OR9Q1: variants seen among roughly 807,000 people sequenced by gnomAD.
OR9Q1 encodes olfactory receptor 9Q1.
For synonymous variants in OR9Q1, 153 were observed against 148.6 expected, an observed-to-expected ratio of 1.03 and a Z score of -0.22; for missense variants, 374 against 378.8, an observed-to-expected ratio of 0.99 and a Z score of 0.11.
chr11:58,174,470 A>C (rs1331567906), intron 2 of OR9Q1, among the ~76,000 whole-genome samples: 2 of 152,030 alleles, frequency 1.3e-5, no homozygotes, highest in Non-Finnish European at 2.9e-5. Flanking sequence ...CACAAGAGCT[A>C]ACTAAGTACC....
chr11:58,107,436 T>C (rs879154707), intron 2 of OR9Q1, among the ~76,000 whole-genome samples: 4 of 152,202 alleles, frequency 2.6e-5, no homozygotes, highest in African/African-American at 7.2e-5. Flanking sequence ...ACAAAGGACA[T>C]GAACTCATCC....
chr11:58,048,679 A>ATAT (rs1554965247), intron 1 of OR9Q1, among the ~76,000 whole-genome samples: 2,548 of 131,392 alleles, frequency 0.019, 38 homozygotes, highest in Middle Eastern at 0.041. Context: ...TAAAAAAAAA[A>ATAT]ATATATATAT....
intron 1 of OR9Q1, among the ~76,000 whole-genome samples, chr11:58,026,967 T>C (rs1001392603): frequency 3.9e-5 from 6 of 152,310 alleles, no homozygotes; most frequent in African/African-American, 1.4e-4. Context: ...ATTTCTTGAG[T>C]CTCTCAAAGA....
At chr11:58,158,163 C>G (rs1305804783) in intron 2 of OR9Q1, among the ~76,000 whole-genome samples, 1 of 152,214 alleles carries the variant, frequency 6.6e-6, no homozygotes, top group African/African-American at 2.4e-5. Context: ...CTGCTTCACT[C>G]TGATTCTTTC....
At chr11:58,101,656 T>C (rs1224830119) in intron 2 of OR9Q1, among the ~76,000 whole-genome samples, 16 of 152,220 alleles carry the variant, frequency 1.1e-4, no homozygotes, top group Admixed American at 1.0e-3. Flanking sequence ...ATTTATCTAT[T>C]CTTGTTTTGG....
Position 58,180,404 on chromosome 11 carries a change from G to C in OR9Q1, c.*27G>C. On this transcript the variant is annotated 3_prime_UTR_variant, in exon 3 of 3. Coordinates refer to ENST00000335397, the MANE Select transcript of OR9Q1 (RefSeq NM_001005212.4). ...CATCTCCAAACTTGGAAAATCCCGA[G>C]AACCACCTACTCTGTAGTGTCAGAA... The C allele has an allele frequency of 7.0e-7, 1 of 1,434,576 alleles. No individual in the cohort carries two copies. The highest frequency in any genetic ancestry group is 2.0e-5 in the Admixed American group (1 of 50,126). 88.9% of individuals were successfully genotyped at this position (1,434,576 alleles called of 1,614,324 possible).
intron 2 of OR9Q1, among the ~76,000 whole-genome samples, chr11:58,146,935 CT>C (rs1328390518): frequency 6.6e-6 from 1 of 152,096 alleles, no homozygotes; most frequent in Non-Finnish European, 1.5e-5. Context: ...GACTTGTGGA[CT>C]TTATTTCAAA....
chr11:58,113,545 G>T (rs529112511), intron 2 of OR9Q1, among the ~76,000 whole-genome samples: 2 of 152,290 alleles, frequency 1.3e-5, no homozygotes, highest in South Asian at 4.1e-4. Context: ...GGTTCTTGTT[G>T]CAAATAGCTT....
At chr11:58,109,734 T>G in intron 2 of OR9Q1, 4 of 364,096 alleles carry the variant, frequency 1.1e-5, no homozygotes, top group Admixed American at 3.6e-5. Context: ...CTTTGCTTTC[T>G]TCAGCGTCAG....
intron 2 of OR9Q1, chr11:58,117,407 C>A (rs536523014): frequency 7.0e-6 from 1 of 143,382 alleles, no homozygotes; most frequent in South Asian, 2.1e-4. Flanking sequence ...TCCTTAATTG[C>A]AAAATGGGAA....
chr11:58,161,253 AAAG>A (rs1479655796), intron 2 of OR9Q1, among the ~76,000 whole-genome samples: 2 of 150,788 alleles, frequency 1.3e-5, no homozygotes, highest in African/African-American at 5.0e-5. Context: ...AAAAAAAAAA[AAAG>A]AAAAGAGTTA....
At chr11:58,109,736 C>T in intron 2 of OR9Q1, 1 of 370,832 alleles carries the variant, frequency 2.7e-6, no homozygotes. Context: ...TTGCTTTCTT[C>T]AGCGTCAGAT....
chr11:58,035,091 A>G (rs1234001020), intron 1 of OR9Q1, among the ~76,000 whole-genome samples: 3 of 152,082 alleles, frequency 2.0e-5, no homozygotes, highest in African/African-American at 7.2e-5. Flanking sequence ...GGCCTCCCAA[A>G]GTATTGGGAC....
At chr11:58,080,062 G>A (rs921514803) in intron 2 of OR9Q1, among the ~76,000 whole-genome samples, 30 of 152,076 alleles carry the variant, frequency 2.0e-4, no homozygotes, top group African/African-American at 7.2e-4. Flanking sequence ...GGGTACATGT[G>A]CAGGCTTGTT....
chr11:58,074,067 G>A (rs954454178), intron 2 of OR9Q1, among the ~76,000 whole-genome samples: 3 of 152,108 alleles, frequency 2.0e-5, no homozygotes, highest in Admixed American at 6.5e-5. Flanking sequence ...GGGCATTTGG[G>A]TTTGCTATTG....
At chr11:58,118,503 C>T (rs768158112) in intron 2 of OR9Q1, 109 of 1,584,960 alleles carry the variant, frequency 6.9e-5, no homozygotes, top group Non-Finnish European at 9.0e-5. Flanking sequence ...CTTAGATCTA[C>T]ATGCTCAGGG....
chr11:58,176,161 C>G (rs1052478938), intron 2 of OR9Q1, among the ~76,000 whole-genome samples: 4 of 152,214 alleles, frequency 2.6e-5, no homozygotes, highest in African/African-American at 7.2e-5. Flanking sequence ...AAGCACTCTT[C>G]TTCCAGATAT....
chr11:58,091,377 G>T (rs1425691376), intron 2 of OR9Q1, among the ~76,000 whole-genome samples: 1 of 151,930 alleles, frequency 6.6e-6, no homozygotes, highest in Non-Finnish European at 1.5e-5. Flanking sequence ...GAACTTATTT[G>T]TTTCTGCCTT....
chr11:58,173,642 C>A (rs1376882829), intron 2 of OR9Q1, among the ~76,000 whole-genome samples: 1 of 152,088 alleles, frequency 6.6e-6, no homozygotes, highest in Non-Finnish European at 1.5e-5. Flanking sequence ...TCCTGGCCCC[C>A]TGAACCCCAC....
Sources: allele counts gnomAD v4.1 joint callset (sites outside exome capture counted in the v4.1 genomes callset), GRCh38; gene constraint gnomAD v4.1.1; transcripts MANE v1.5; gene names NCBI Gene and HGNC (gene_info 2026-07-23, HGNC 2026-07-21).